GNAO1: variants seen among roughly 807,000 people sequenced by gnomAD.
GNAO1 encodes guanine nucleotide-binding protein G(o) subunit alpha.
For synonymous variants in GNAO1, 164 were observed against 180.7 expected, an observed-to-expected ratio of 0.91 and a Z score of 0.74; for missense variants, 166 against 478.7, an observed-to-expected ratio of 0.35 and a Z score of 6.10.
rs1396850956 is a variant in GNAO1 at position 56,191,781 on chromosome 16, C to T, written c.-455C>T. On this transcript the variant is annotated 5_prime_UTR_variant, in exon 1 of 9. Coordinates refer to ENST00000262493, the MANE Select transcript of GNAO1 (RefSeq NM_020988.3). The surrounding 1 kb of genome is among the most constrained non-coding windows in gnomAD (Gnocchi z 4.7). ...CCGCCGCCGCCTCCTCCACCTCCTC[C>T]TCCGCCGCCGCCGCCTCCTCCTCCT... 2 of 224,206 alleles carry T rather than the reference C, an allele frequency of 8.9e-6. No homozygotes were observed. The highest frequency in any genetic ancestry group is 2.4e-5 in the African/African-American group (1 of 42,220). The allele number at this position is 224,206 out of a possible 1,614,324, so 13.9% of individuals were successfully genotyped here.
At chr16:56,277,808 CACACACACACACACACACACACACA>C (rs2037075549) in intron 3 of GNAO1, among the ~76,000 whole-genome samples, 1 of 149,862 alleles carries the variant, frequency 6.7e-6, no homozygotes, top group African/African-American at 2.5e-5. Flanking sequence ...CACACACACA[CACACACACACACACACACACACACA>C]CACACACACG....
At chr16:56,353,376 T>C (rs899228) in intron 7 of GNAO1, 45,650 of 152,154 alleles carry the variant, frequency 0.3, 8,233 homozygotes, top group African/African-American at 0.49. Flanking sequence ...GAAGGGCAGT[T>C]GGAACCTGAG....
intron 2 of GNAO1, among the ~76,000 whole-genome samples, chr16:56,247,199 G>A (rs1370272405): frequency 6.6e-6 from 1 of 152,218 alleles, no homozygotes; most frequent in East Asian, 1.9e-4. Flanking sequence ...GGCCATCCAG[G>A]CAGAACAGAA....
chr16:56,310,585 ATT>A (rs1378639481), intron 3 of GNAO1, among the ~76,000 whole-genome samples: 34 of 152,274 alleles, frequency 2.2e-4, no homozygotes, highest in African/African-American at 7.9e-4. Context: ...TTACAGTCTT[ATT>A]GAGAGGGCAC....
At chr16:56,246,997 G>A (rs1424368130) in intron 2 of GNAO1, among the ~76,000 whole-genome samples, 13 of 152,146 alleles carry the variant, frequency 8.5e-5, no homozygotes, top group Non-Finnish European at 1.3e-4. Flanking sequence ...CCAAGTTAAG[G>A]CCCCTATCTA....
chr16:56,320,192 C>G (rs2037556954), intron 3 of GNAO1, among the ~76,000 whole-genome samples: 1 of 152,158 alleles, frequency 6.6e-6, no homozygotes, highest in Non-Finnish European at 1.5e-5. Context: ...CAGTCCCAGC[C>G]ATGCCCCATA....
chr16:56,340,858 C>T (rs749507624), intron 6 of GNAO1: 1 of 1,614,098 alleles, frequency 6.2e-7, no homozygotes, highest in Non-Finnish European at 8.5e-7. Context: ...ATCCCTGAAG[C>T]TTTTTGACAG....
Position 56,334,677 on chromosome 16 carries a change from G to C in GNAO1, c.465-52G>C. 8 of 1,603,010 alleles carry C rather than the reference G, an allele frequency of 5.0e-6. No homozygotes were observed. The South Asian group carries it at 8.9e-5, about 18-fold the overall frequency. On this transcript the variant is annotated intron_variant, in intron 4 of 8. Coordinates refer to ENST00000262493, the MANE Select transcript of GNAO1 (RefSeq NM_020988.3). ...GAAGATGGGTGGCCTGGCCAGTCCC[G>C]AACAGTGTCCAGGCATTTGGTCCAT...
intron 2 of GNAO1, among the ~76,000 whole-genome samples, chr16:56,268,154 A>G (rs777279355): frequency 6.6e-6 from 1 of 152,158 alleles, no homozygotes; most frequent in Non-Finnish European, 1.5e-5. Flanking sequence ...ACAGTTTTCC[A>G]TCTGGAAAAT....
At chr16:56,236,220 C>A (rs1418989261) in intron 2 of GNAO1, among the ~76,000 whole-genome samples, 3 of 152,178 alleles carry the variant, frequency 2.0e-5, no homozygotes, top group Non-Finnish European at 2.9e-5. Context: ...GCAATTCTGG[C>A]TGAAGTTTAA....
chr16:56,337,663 G>A (rs1302995078), intron 6 of GNAO1, among the ~76,000 whole-genome samples: 1 of 152,238 alleles, frequency 6.6e-6, no homozygotes, highest in Non-Finnish European at 1.5e-5. Flanking sequence ...ACCTGCCTGT[G>A]GGGGGCTGTT....
intron 6 of GNAO1, chr16:56,346,369 C>G (rs111620018): frequency 1.7e-5 from 17 of 985,372 alleles, no homozygotes; most frequent in Middle Eastern, 5.2e-4. Flanking sequence ...CCTGAGGGGC[C>G]ATGGTAACCT....
intron 6 of GNAO1, among the ~76,000 whole-genome samples, chr16:56,337,392 A>C (rs1426552125): frequency 6.6e-6 from 1 of 152,156 alleles, no homozygotes; most frequent in African/African-American, 2.4e-5. Context: ...CTGATGGGCC[A>C]GGAAGGGCAA....
intron 3 of GNAO1, among the ~76,000 whole-genome samples, chr16:56,292,785 A>G (rs1320641180): frequency 1.3e-5 from 2 of 152,252 alleles, no homozygotes; most frequent in South Asian, 2.1e-4. Flanking sequence ...GTATTTAAAA[A>G]TACTGGAGAA....
intron 3 of GNAO1, among the ~76,000 whole-genome samples, chr16:56,288,120 G>A (rs1314452734): frequency 6.6e-6 from 1 of 152,218 alleles, no homozygotes; most frequent in African/African-American, 2.4e-5. Flanking sequence ...GATGCCCTCA[G>A]CACCTGGCTG....
chr16:56,245,937 G>T (rs1307190724), intron 2 of GNAO1, among the ~76,000 whole-genome samples: 3 of 152,160 alleles, frequency 2.0e-5, no homozygotes, highest in African/African-American at 2.4e-5. Context: ...GTGTAGGGGG[G>T]TAAGGGGCAC....
At chr16:56,195,471 C>T (rs1306852576) in intron 2 of GNAO1, among the ~76,000 whole-genome samples, 4 of 152,182 alleles carry the variant, frequency 2.6e-5, no homozygotes, top group Non-Finnish European at 4.4e-5. Context: ...TTGAGATGGC[C>T]ACTTGACTGA....
chr16:56,243,717 G>C (rs1038129061), intron 2 of GNAO1, among the ~76,000 whole-genome samples: 2 of 152,070 alleles, frequency 1.3e-5, no homozygotes, highest in Non-Finnish European at 1.5e-5. Context: ...TTCCAGAATT[G>C]ACTATAGTGA....
chr16:56,315,479 T>C (rs1398032641), intron 3 of GNAO1, among the ~76,000 whole-genome samples: 1 of 152,160 alleles, frequency 6.6e-6, no homozygotes, highest in Non-Finnish European at 1.5e-5. Context: ...TTAAAGCTTT[T>C]TTGGGACAGG....
Sources: allele counts gnomAD v4.1 joint callset (sites outside exome capture counted in the v4.1 genomes callset), GRCh38; gene constraint gnomAD v4.1.1; non-coding constraint Gnocchi (gnomAD v3.1); transcripts MANE v1.5; gene names NCBI Gene and HGNC (gene_info 2026-07-23, HGNC 2026-07-21).